Variants in ADAM2 observed in about 807,000 individuals in gnomAD.
ADAM2 encodes disintegrin and metalloproteinase domain-containing protein 2.
A neutral mutation model predicts 99.3 loss-of-function variants in ADAM2; 101 were observed. The ratio of observed to expected loss-of-function variants is 1.02; its 90% confidence interval spans 0.87 to 1.20. The LOEUF (loss-of-function observed/expected upper bound fraction) is 1.20, where lower values mean the gene tolerates loss of function less well. Among genes scored for constraint, ADAM2 ranks in the 50% most tolerant of loss-of-function variants. The pLI, the probability that ADAM2 is intolerant of heterozygous loss-of-function variation, is 0.00. For missense variants in ADAM2, 948 were observed against 878.7 expected (o/e 1.08, Z -1.00); for synonymous variants, 323 against 287.6 (o/e 1.12, Z -1.25).
Position 39,766,745 on chromosome 8 carries a change from A to G in ADAM2, c.1507+103T>C, listed in dbSNP as rs553374327. The G allele has an allele frequency of 2.2e-5, 20 of 894,778 alleles. 1 individual carries two copies. The South Asian group carries it at 3.6e-4, about 16-fold the overall frequency. The allele number at this position is 894,778 out of a possible 1,614,324, so 55.4% of individuals were successfully genotyped here. ...TTCTATAATTCTTTAGAATATTTAA[A>G]CTAAATGTGACATTTTAAAAATCAC... On this transcript the variant is annotated intron_variant, in intron 14 of 20. Transcript: ENST00000265708.
intron 16 of ADAM2, 123 bp from the exon 17 acceptor site, chr8:39,749,867 A>G (rs1024906743): frequency 8.9e-5 from 57 of 640,278 alleles, no homozygotes; most frequent in Non-Finnish European, 1.3e-4. Context: ...TTTAGCAACA[A>G]GAATTAGTAT....
At chr8:39,816,726 G>T (rs373401585) in intron 6 of ADAM2, among the ~76,000 whole-genome samples, 3 of 152,312 alleles carry the variant, frequency 2.0e-5, no homozygotes, top group African/African-American at 7.2e-5. Context: ...GAAAAGGCAA[G>T]TCTATATCTA....
chr8:39,826,734 C>T (rs552077159), intron 3 of ADAM2, among the ~76,000 whole-genome samples: 47 of 150,312 alleles, frequency 3.1e-4, no homozygotes, highest in Non-Finnish European at 6.5e-4. Flanking sequence ...ACAAAAAAAC[C>T]AAAAAAAACT....
At chr8:39,771,539 G>A (rs1802779592) in intron 11 of ADAM2, among the ~76,000 whole-genome samples, 1 of 152,056 alleles carries the variant, frequency 6.6e-6, no homozygotes, top group Non-Finnish European at 1.5e-5. Flanking sequence ...TATTTTGATG[G>A]AAGACATTGT....
At chr8:39,786,838 T>A in intron 10 of ADAM2, 136 bp downstream of exon 10, 2 of 630,648 alleles carry the variant, frequency 3.2e-6, no homozygotes, top group Non-Finnish European at 5.2e-6. Context: ...TCTTATAGTT[T>A]AAACATTTCT....
chr8:39,767,011 G>C lies in ADAM2; in HGVS notation c.1344C>G (p.Ser448=). 1 of 1,614,058 alleles carries C rather than the reference G, an allele frequency of 6.2e-7. No homozygotes were observed. The highest frequency in any genetic ancestry group is 8.5e-7 in the Non-Finnish European group (1 of 1,179,982). Residue 448 remains serine (S), a synonymous_variant, in exon 14 of 21, where the codon TCC becomes TCG. Coordinates refer to ENST00000265708, the MANE Select transcript of ADAM2 (RefSeq NM_001464.5). ...FMSKERMCRP[S]FEECDLPEYC... ...ATTCAGGGAGGTCGCATTCTTCAAA[G>C]GAAGGCCTACACATTCTTTCTTTTG...
rs140120373 is a variant in ADAM2, at chr8:39,769,466, A to T, written c.1138T>A (p.Phe380Ile). The T allele has an allele frequency of 7.5e-5, 121 of 1,613,922 alleles. No homozygotes were observed. Among genetic ancestry groups the T allele is most frequent in the Non-Finnish European group, 2.2e-5 (26 of 1,179,926 alleles). ...CCACACACTGCTTGCTGTTTGAAAA[A>T]AGGATCTAAGCGAGGCTGATTGTGA... is the stretch of plus-strand genomic sequence containing the variant. ...CLHNQPRLDPFFKQQAVCGNA... is the reference protein window; with the variant it reads ...CLHNQPRLDPIFKQQAVCGNA... Residue 380 changes from phenylalanine (F) to isoleucine (I), a missense_variant, in exon 12 of 21, where the codon TTT becomes ATT. By Grantham distance (21) the Phe-to-Ile change is conservative (BLOSUM62 0). Transcript: ENST00000265708.
At chr8:39,832,550 A>C (rs1805658806) in intron 3 of ADAM2, among the ~76,000 whole-genome samples, 1 of 152,182 alleles carries the variant, frequency 6.6e-6, no homozygotes, top group African/African-American at 2.4e-5. Flanking sequence ...ACATTTGGTT[A>C]TTCATTTCTA....
At position 39,799,719 on chromosome 8, in the gene ADAM2, T is replaced by C. The variant is rs188715605; in HGVS notation, c.570+9691A>G. On this transcript the variant is annotated intron_variant, in intron 7 of 20. Coordinates refer to ENST00000265708, the MANE Select transcript of ADAM2 (RefSeq NM_001464.5). Reference sequence around the variant, plus strand: ...CTTGCTTTATGAACCTGGGTGCTCCTGTATTGGGTGCATATATATTCAGAA... The same window carrying C: ...CTTGCTTTATGAACCTGGGTGCTCCCGTATTGGGTGCATATATATTCAGAA... Among the ~76,000 whole-genome samples, 1,041 of 152,346 alleles carry C rather than the reference T, an allele frequency of 6.8e-3. 7 individuals are homozygous for C. The highest frequency in any genetic ancestry group is 0.036 in the South Asian group (176 of 4,828).
chr8:39,806,878 A>G (rs1249014686), intron 7 of ADAM2, among the ~76,000 whole-genome samples: 1 of 152,204 alleles, frequency 6.6e-6, no homozygotes, highest in Non-Finnish European at 1.5e-5. Flanking sequence ...AAAGGGATAG[A>G]GACAGGACAC....
At chr8:39,769,601 T>C (rs1453658181) in intron 11 of ADAM2, 26 bp from the exon 12 acceptor site, 2 of 1,557,502 alleles carry the variant, frequency 1.3e-6, no homozygotes, top group Non-Finnish European at 1.8e-6. Flanking sequence ...ACGTCAAATT[T>C]TAATGTAAGG....
At chr8:39,826,439 C>G (rs901986795) in intron 3 of ADAM2, among the ~76,000 whole-genome samples, 3 of 152,042 alleles carry the variant, frequency 2.0e-5, no homozygotes, top group African/African-American at 7.2e-5. Flanking sequence ...AAAAAGCACT[C>G]AAGGCCAGGA....
At position 39,781,960 on chromosome 8, in the gene ADAM2, T is replaced by C. The variant is rs573014717; in HGVS notation, c.892-4799A>G. Among the ~76,000 whole-genome samples, 3 of 152,306 alleles carry C rather than the reference T, an allele frequency of 2.0e-5. No individual in the cohort carries two copies. The East Asian group carries it at 5.8e-4, about 29-fold the overall frequency. On this transcript the variant is annotated intron_variant, in intron 10 of 20. Coordinates refer to ENST00000265708, the MANE Select transcript of ADAM2 (RefSeq NM_001464.5). ...ATTACAAAGGCACAACTGTATTTATTTGGAGGAAAACTAACCTTTTAAATA... is the reference window on the plus strand; with the variant it reads ...ATTACAAAGGCACAACTGTATTTATCTGGAGGAAAACTAACCTTTTAAATA...
chr8:39,777,105 G>C lies in ADAM2; in HGVS notation c.948C>G (p.Ser316Arg). Residue 316 changes from serine to arginine, a missense_variant, in exon 11 of 21, where the codon AGC (serine) becomes AGG (arginine). By Grantham distance (110) the Ser-to-Arg change is moderately radical. Coordinates refer to ENST00000265708, the MANE Select transcript of ADAM2 (RefSeq NM_001464.5). ...CATCATAAGTGATCCCCATACTAAG[G>C]CTCAATAATTGAGCTAAAATAACTG... Reference protein sequence around the residue: ...SLAVILAQLLSLSMGITYDDI... With the variant: ...SLAVILAQLLRLSMGITYDDI... The C allele has an allele frequency of 6.2e-7, 1 of 1,608,552 alleles. No individual in the cohort carries two copies. The highest frequency in any genetic ancestry group is 8.5e-7 in the Non-Finnish European group (1 of 1,175,602).
At chr8:39,838,026 A>T (rs1805910049) in intron 1 of ADAM2, 105 bp downstream of exon 1, 1 of 1,270,256 alleles carries the variant, frequency 7.9e-7, no homozygotes, top group Non-Finnish European at 1.1e-6. Flanking sequence ...TGAGTTGGAA[A>T]CCCCTCAGGA....
At chr8:39,746,154 T>C (rs1337447034) in intron 19 of ADAM2, among the ~76,000 whole-genome samples, 1 of 152,096 alleles carries the variant, frequency 6.6e-6, no homozygotes, top group Non-Finnish European at 1.5e-5. Context: ...GCCTCCTGAG[T>C]AGCTGGGACT....
At chr8:39,811,623 A>G (rs531978303) in intron 6 of ADAM2, among the ~76,000 whole-genome samples, 15 of 152,232 alleles carry the variant, frequency 9.9e-5, no homozygotes, top group Non-Finnish European at 1.5e-4. Flanking sequence ...CTGGTTCAAC[A>G]TATTCAAATC....
In ADAM2 at chr8:39,821,596, T is replaced by C; in HGVS notation, c.334A>G (p.Thr112Ala). The C allele has an allele frequency of 1.3e-6, 2 of 1,597,984 alleles. No homozygotes were observed. Among genetic ancestry groups the C allele is most frequent in the Non-Finnish European group, 1.7e-6 (2 of 1,166,114 alleles). ...ACAGTAAATTACAACCTGAGTCCAGTACATGTGCTAACCATCACCACAGAT... is the reference window on the plus strand; with the variant it reads ...ACAGTAAATTACAACCTGAGTCCAGCACATGTGCTAACCATCACCACAGAT... Reference protein sequence around the residue: ...PKSVVMVSTCTGLRGVLQFEN... With the variant: ...PKSVVMVSTCAGLRGVLQFEN... Residue 112 changes from threonine (T) to alanine (A), a missense_variant, in exon 5 of 21, where the codon ACT (threonine) becomes GCT (alanine). Transcript: ENST00000265708.
At chr8:39,804,628 GA>G (rs1338861022) in intron 7 of ADAM2, among the ~76,000 whole-genome samples, 1 of 151,626 alleles carries the variant, frequency 6.6e-6, no homozygotes, top group African/African-American at 2.4e-5. Context: ...AGAAATCAGG[GA>G]ATTAAAAAGT....
Sources: allele counts gnomAD v4.1 joint callset (sites outside exome capture counted in the v4.1 genomes callset), GRCh38; gene constraint gnomAD v4.1.1; transcripts MANE v1.5; gene names NCBI Gene and HGNC (gene_info 2026-07-23, HGNC 2026-07-21).